SORBS2: variants seen among roughly 807,000 people sequenced by gnomAD.
SORBS2 encodes the protein sorbin and SH3 domain containing 2.
SORBS2 carries 46 observed loss-of-function variants against 97.7 expected under a neutral mutation model. The observed-to-expected ratio is 0.47, with a 90% CI of 0.37 to 0.60. The LOEUF (loss-of-function observed/expected upper bound fraction) is 0.60, where lower values mean the gene tolerates loss of function less well. Ranked by LOEUF, SORBS2 falls within the 20% of genes least tolerant of loss-of-function variation. The probability of loss-of-function intolerance (pLI) is 0.00; values close to 1 mark genes in which losing one functional copy is unlikely to be tolerated. For synonymous variants in SORBS2, 476 were observed against 473.4 expected (o/e 1.01, Z -0.07); for missense variants, 1,316 against 1,282.3 (o/e 1.03, Z -0.40).
Position 185,606,367 on chromosome 4 carries a change from G to A in SORBS2, c.2796+5413C>T. ...TACAATATAAGTTTATGGTCCTGAAGAAAAATGGGATAATGGAATTATATC... is the reference window on the plus strand; with the variant it reads ...TACAATATAAGTTTATGGTCCTGAAAAAAAATGGGATAATGGAATTATATC... On this transcript the variant is annotated intron_variant, in intron 12 of 14. Coordinates refer to ENST00000418609, the Ensembl canonical transcript of SORBS2. The surrounding 1 kb of genome is among the most constrained non-coding windows in gnomAD (Gnocchi z 4.3). 1 of 966,978 alleles carries A rather than the reference G, an allele frequency of 1.0e-6. No homozygotes were observed. Among genetic ancestry groups the A allele is most frequent in the Non-Finnish European group, 1.2e-6 (1 of 813,388 alleles). 59.9% of individuals were successfully genotyped at this position (966,978 alleles called of 1,614,324 possible). A position where few individuals can be genotyped will look rare whatever the true frequency, so the allele number is the denominator to read the frequency against.
At chr4:185,763,746 C>T (rs1030846916) in intron 2 of SORBS2, among the ~76,000 whole-genome samples, 3 of 152,092 alleles carry the variant, frequency 2.0e-5, no homozygotes, top group African/African-American at 7.2e-5. Context: ...ATTATAAAGA[C>T]TTTTGGCTTG....
chr4:185,611,158 A>G (rs1450149981), intron 12 of SORBS2, among the ~76,000 whole-genome samples: 2 of 152,128 alleles, frequency 1.3e-5, no homozygotes, highest in Admixed American at 1.3e-4. Flanking sequence ...AATAACCGAC[A>G]ACATTTTCAT....
chr4:185,600,285 G>C (rs546267278), intron 12 of SORBS2, among the ~76,000 whole-genome samples: 5 of 152,186 alleles, frequency 3.3e-5, no homozygotes, highest in Non-Finnish European at 7.3e-5. Context: ...GGTTCACAGA[G>C]GAAAGCTGGC....
At chr4:185,640,802 C>G (rs2097112936) in intron 4 of SORBS2, among the ~76,000 whole-genome samples, 1 of 152,164 alleles carries the variant, frequency 6.6e-6, no homozygotes, top group Non-Finnish European at 1.5e-5. Flanking sequence ...CCAGTAATTT[C>G]TCTTCTGTTT....
chr4:185,870,845 GA>G (rs2099230046), intron 1 of SORBS2, among the ~76,000 whole-genome samples: 1 of 152,160 alleles, frequency 6.6e-6, no homozygotes. Flanking sequence ...ATTAAGGAAA[GA>G]AGCCACATTC....
rs775209042 is a variant in SORBS2, at chr4:185,874,866, T to TTTTTTTTTTTTGC, written c.-338+81329_-338+81330insGCAAAAAAAAAAA. Among the ~76,000 whole-genome samples, 10 of 113,522 alleles carry TTTTTTTTTTTTGC rather than the reference T, an allele frequency of 8.8e-5. No homozygotes were observed. In the South Asian group the frequency reaches 9.5e-4, roughly 11 times the overall value. 74.5% of individuals were successfully genotyped at this position (113,522 alleles called of 152,430 possible). On this transcript the variant is annotated intron_variant, in intron 1 of 20. Coordinates refer to the SORBS2 transcript ENST00000284776. The stretch of plus-strand genomic sequence containing the variant: ...GGTTTTACCTTACCCTGATTTTTTT[T>TTTTTTTTTTTTGC]TTTTTTGCATGCTACAGTATATTGT...
intron 1 of SORBS2, among the ~76,000 whole-genome samples, chr4:185,889,913 G>T (rs2099241611): frequency 6.6e-6 from 1 of 151,838 alleles, no homozygotes; most frequent in African/African-American, 2.4e-5. Context: ...TTGAGACACA[G>T]TTTCACTCTG....
At chr4:185,714,574 C>G (rs916705832) in intron 2 of SORBS2, among the ~76,000 whole-genome samples, 11 of 152,114 alleles carry the variant, frequency 7.2e-5, no homozygotes, top group Non-Finnish European at 1.2e-4. Context: ...CTAATAAAGA[C>G]ATACCTGAGA....
At chr4:185,780,006 CATTTT>C (rs1341476793) in intron 1 of SORBS2, among the ~76,000 whole-genome samples, 1 of 124,890 alleles carries the variant, frequency 8.0e-6, no homozygotes, top group Non-Finnish European at 1.6e-5. Context: ...AGTAGAGTAA[CATTTT>C]TTTTTTTTTT....
intron 8 of SORBS2, among the ~76,000 whole-genome samples, chr4:185,619,453 C>T (rs188634604): frequency 1.7e-4 from 26 of 152,248 alleles, no homozygotes; most frequent in African/African-American, 4.8e-4. Flanking sequence ...TCCTCTGGAG[C>T]GGCTACCAGT....
At chr4:185,689,171 C>T (rs1326433611) in intron 2 of SORBS2, among the ~76,000 whole-genome samples, 2 of 152,108 alleles carry the variant, frequency 1.3e-5, no homozygotes, top group Non-Finnish European at 2.9e-5. Flanking sequence ...GTATGCATAT[C>T]CCTGTCATAA....
chr4:185,616,223 T>A (rs981878620), intron 9 of SORBS2, among the ~76,000 whole-genome samples: 33 of 152,238 alleles, frequency 2.2e-4, no homozygotes, highest in Admixed American at 8.5e-4. Flanking sequence ...ATAGGCCGTT[T>A]GATGGAGAGA....
upstream of SORBS2, among the ~76,000 whole-genome samples, chr4:185,659,835 T>A (rs539268802): frequency 3.9e-5 from 6 of 152,358 alleles, no homozygotes; most frequent in South Asian, 1.2e-3. Context: ...TAGCGACGAA[T>A]GTTTTTTGAA....
At chr4:185,866,176 C>T (rs1174554661) in intron 1 of SORBS2, among the ~76,000 whole-genome samples, 3 of 152,150 alleles carry the variant, frequency 2.0e-5, no homozygotes, top group South Asian at 2.1e-4. Flanking sequence ...ATACTGATTA[C>T]CAAGGAGTGG....
At chr4:185,688,701 T>G (rs1191062338) in intron 2 of SORBS2, among the ~76,000 whole-genome samples, 2 of 152,150 alleles carry the variant, frequency 1.3e-5, no homozygotes, top group Admixed American at 1.3e-4. Context: ...TACTTCATTT[T>G]GTAAACACAG....
intron 1 of SORBS2, among the ~76,000 whole-genome samples, chr4:185,813,726 TTATC>T (rs1309783728): frequency 7.2e-5 from 11 of 152,174 alleles, no homozygotes; most frequent in African/African-American, 2.7e-4. Context: ...GCCTCCTCTT[TTATC>T]TTCCAACACC....
intron 1 of SORBS2, among the ~76,000 whole-genome samples, chr4:185,866,248 C>G (rs2099226827): frequency 6.6e-6 from 1 of 152,188 alleles, no homozygotes. Context: ...TGTTCCCAGC[C>G]TCTCAGCAAA....
At chr4:185,716,172 A>G (rs1228602395) in intron 2 of SORBS2, among the ~76,000 whole-genome samples, 1 of 152,230 alleles carries the variant, frequency 6.6e-6, no homozygotes, top group Non-Finnish European at 1.5e-5. Context: ...CCAGACAGAG[A>G]TGGGCGTGGT....
chr4:185,677,064 A>G lies in SORBS2; in HGVS notation c.-46+1359T>C, dbSNP rs746971024. On this transcript the variant is annotated intron_variant, in intron 4 of 20. Coordinates refer to the SORBS2 transcript ENST00000284776. ...TTTTTGTCTCTCTTGCTGAAGAGGT[A>G]TCTTTGCAGTCTCTGGAGAAAGCTC... 6 of 1,551,568 alleles carry G rather than the reference A, an allele frequency of 3.9e-6. No individual in the cohort carries two copies. In the South Asian group the frequency reaches 5.9e-5, roughly 15 times the overall value.
Sources: allele counts gnomAD v4.1 joint callset (sites outside exome capture counted in the v4.1 genomes callset), GRCh38; gene constraint gnomAD v4.1.1; non-coding constraint Gnocchi (gnomAD v3.1); transcripts MANE v1.5; gene names NCBI Gene and HGNC (gene_info 2026-07-23, HGNC 2026-07-21).